SGCZ: variants seen among roughly 807,000 people sequenced by gnomAD.
The protein encoded by SGCZ is sarcoglycan zeta, also known as zeta-sarcoglycan.
Under a neutral mutation model 41.3 loss-of-function variants are expected in SGCZ, and 40 were observed. The observed-to-expected ratio is 0.97, with a 90% CI of 0.75 to 1.26. The LOEUF (loss-of-function observed/expected upper bound fraction) is 1.26, where lower values mean the gene tolerates loss of function less well. Ranked by LOEUF, SGCZ falls within the 50% of genes most tolerant of loss-of-function variation. The probability of loss-of-function intolerance (pLI) is 0.00; values close to 1 mark genes in which losing one functional copy is unlikely to be tolerated. For synonymous variants in SGCZ, 206 were observed against 137.5 expected, an observed-to-expected ratio of 1.50 and a Z score of -3.49; for missense variants, 552 against 369.8, an observed-to-expected ratio of 1.49 and a Z score of -4.04.
At chr8:15,182,092 A>G (rs1373980244) in intron 1 of SGCZ, among the ~76,000 whole-genome samples, 3 of 152,178 alleles carry the variant, frequency 2.0e-5, no homozygotes, top group Admixed American at 6.5e-5. Context: ...ATGGAAGAGT[A>G]AATATCTTGA....
intron 4 of SGCZ, among the ~76,000 whole-genome samples, chr8:14,192,351 C>T (rs1243524508): frequency 3.3e-5 from 5 of 151,772 alleles, no homozygotes; most frequent in Admixed American, 3.3e-4. Flanking sequence ...CTTATCTAAC[C>T]TGAATTTTCT....
At chr8:14,441,250 T>C (rs993448576) in intron 2 of SGCZ, among the ~76,000 whole-genome samples, 3 of 152,308 alleles carry the variant, frequency 2.0e-5, no homozygotes, top group South Asian at 2.1e-4. Flanking sequence ...TTCTACCTAA[T>C]TTCCAGTTGT....
At chr8:14,427,509 C>A (rs1249096155) in intron 2 of SGCZ, among the ~76,000 whole-genome samples, 2 of 152,082 alleles carry the variant, frequency 1.3e-5, no homozygotes, top group African/African-American at 2.4e-5. Context: ...ACTCCCCACT[C>A]GTTGCGTTTC....
Position 14,651,430 on chromosome 8 carries a change from T to C in SGCZ, c.40-96504A>G, listed in dbSNP as rs559035657. 1.5e-4 allele frequency among the ~76,000 whole-genome samples: 23 copies of C among 152,228 alleles called. No homozygotes were observed. In the South Asian group the frequency reaches 2.7e-3, roughly 18 times the overall value. On this transcript the variant is annotated intron_variant, in intron 1 of 7. Coordinates refer to ENST00000382080, the MANE Select transcript of SGCZ (RefSeq NM_139167.4). ...AACGGAATTTTAAATCATGCTGTTC[T>C]TAAAATGTTTTCTGATCAAAACTTC...
In SGCZ at chr8:14,547,042, A is replaced by G. The variant is rs573457917; in HGVS notation, c.234+7690T>C. Among the ~76,000 whole-genome samples, 3 of 152,230 alleles carry G rather than the reference A, an allele frequency of 2.0e-5. No individual in the cohort carries two copies. In the East Asian group the frequency reaches 5.8e-4, roughly 29 times the overall value. On this transcript the variant is annotated intron_variant, in intron 2 of 7. Coordinates refer to ENST00000382080, the MANE Select transcript of SGCZ (RefSeq NM_139167.4). ...TCTTGCTGGAAAAAAAAAAGTACCT[A>G]ATATGGGCTCTCTGGCATCTTAAAC...
chr8:14,649,494 G>T (rs575891191), intron 1 of SGCZ, among the ~76,000 whole-genome samples: 1 of 152,164 alleles, frequency 6.6e-6, no homozygotes, highest in South Asian at 2.1e-4. Flanking sequence ...AGAGACAGAT[G>T]GCAAAGATGG....
intron 1 of SGCZ, among the ~76,000 whole-genome samples, chr8:15,214,877 A>G (rs1180784106): frequency 2.0e-5 from 3 of 152,194 alleles, no homozygotes; most frequent in Non-Finnish European, 4.4e-5. Context: ...TAAGAAATGA[A>G]GAGCAGGTGT....
chr8:15,072,073 A>G (rs551423578), intron 1 of SGCZ, among the ~76,000 whole-genome samples: 23 of 152,168 alleles, frequency 1.5e-4, no homozygotes, highest in African/African-American at 5.5e-4. Flanking sequence ...TAACCCATTC[A>G]AAGTCTGTTC....
intron 3 of SGCZ, among the ~76,000 whole-genome samples, chr8:14,282,141 T>C (rs1215316986): frequency 6.9e-6 from 1 of 144,824 alleles, no homozygotes; most frequent in Non-Finnish European, 1.5e-5. Flanking sequence ...TAAAAAAAAA[T>C]CAAAGAAAAC....
chr8:14,217,594 C>G (rs1286166646), intron 4 of SGCZ, among the ~76,000 whole-genome samples: 2 of 143,350 alleles, frequency 1.4e-5, no homozygotes, highest in African/African-American at 5.1e-5. Context: ...AGAGATGAAG[C>G]AAAAACACTT....
intron 2 of SGCZ, among the ~76,000 whole-genome samples, chr8:14,355,415 G>A (rs1262928403): frequency 2.0e-5 from 3 of 151,988 alleles, no homozygotes; most frequent in Non-Finnish European, 4.4e-5. Flanking sequence ...AAATCTAACA[G>A]AGACTTTCAT....
intron 1 of SGCZ, among the ~76,000 whole-genome samples, chr8:14,854,529 A>G (rs1015824247): frequency 2.6e-5 from 4 of 152,174 alleles, no homozygotes; most frequent in Non-Finnish European, 5.9e-5. Flanking sequence ...AATAAATTTC[A>G]CATTGTGTAA....
intron 2 of SGCZ, among the ~76,000 whole-genome samples, chr8:14,526,264 T>C (rs1226178048): frequency 1.3e-5 from 2 of 152,108 alleles, no homozygotes; most frequent in African/African-American, 2.4e-5. Context: ...ATAACTTTGA[T>C]ATGTTGACAT....
intron 2 of SGCZ, among the ~76,000 whole-genome samples, chr8:14,539,477 G>A (rs1585060584): frequency 6.8e-6 from 1 of 146,338 alleles, no homozygotes; most frequent in Admixed American, 6.8e-5. Context: ...AGAGGATATT[G>A]GGGAAGATTG....
intron 1 of SGCZ, among the ~76,000 whole-genome samples, chr8:14,588,147 A>C (rs1805120796): frequency 1.3e-5 from 2 of 151,934 alleles, no homozygotes; most frequent in Non-Finnish European, 2.9e-5. Context: ...ATGTTATTAG[A>C]CCAAATTAGA....
chr8:14,157,609 G>C (rs903685015), intron 5 of SGCZ, among the ~76,000 whole-genome samples: 1 of 151,152 alleles, frequency 6.6e-6, no homozygotes, highest in South Asian at 2.1e-4. Context: ...AAAAAAACAT[G>C]GTCAGTAGAT....
chr8:14,125,499 G>A (rs113475411), intron 5 of SGCZ, among the ~76,000 whole-genome samples: 7 of 114,756 alleles, frequency 6.1e-5, no homozygotes, highest in East Asian at 2.9e-4. Flanking sequence ...GAAAGATTCC[G>A]TCTCAAAAAA....
At chr8:14,134,138 AT>A (rs1408715027) in intron 5 of SGCZ, among the ~76,000 whole-genome samples, 1 of 152,218 alleles carries the variant, frequency 6.6e-6, no homozygotes, top group Non-Finnish European at 1.5e-5. Context: ...TCTATTTTAC[AT>A]TTACATTTGT....
At chr8:14,194,603 A>G (rs1000748148) in intron 4 of SGCZ, among the ~76,000 whole-genome samples, 4 of 151,952 alleles carry the variant, frequency 2.6e-5, no homozygotes, top group Admixed American at 1.3e-4. Flanking sequence ...TAATAAATAC[A>G]TTTTTCTGCT....
Sources: allele counts gnomAD v4.1 joint callset (sites outside exome capture counted in the v4.1 genomes callset), GRCh38; gene constraint gnomAD v4.1.1; transcripts MANE v1.5; gene names NCBI Gene and HGNC (gene_info 2026-07-23, HGNC 2026-07-21).